The following JAKMIP2 variants were observed in gnomAD, a reference collection of about 807,000 sequenced individuals.
The protein encoded by JAKMIP2 is janus kinase and microtubule interacting protein 2.
JAKMIP2 carries 25 observed loss-of-function variants against 115.0 expected under a neutral mutation model. That is an observed-to-expected ratio of 0.22 (90% CI 0.16 to 0.30). The LOEUF is 0.30. JAKMIP2 is among the 10% of genes least tolerant of loss of function. The pLI is 1.00. For missense variants in JAKMIP2, 642 were observed against 957.6 expected, an observed-to-expected ratio of 0.67 and a Z score of 4.35; for synonymous variants, 334 against 343.6, an observed-to-expected ratio of 0.97 and a Z score of 0.31.
rs941740154 is a variant in JAKMIP2, at chr5:147,591,391, C to T, written c.*316G>A. 2.5e-6 allele frequency: 1 copy of T among 394,144 alleles called. No homozygotes were observed. The highest frequency in any genetic ancestry group is 2.1e-5 in the African/African-American group (1 of 46,864). 24.4% of individuals were successfully genotyped at this position (394,144 alleles called of 1,614,324 possible). ...CACATCTTTGCTTGATCTGCAGAAA[C>T]TAGTTCCATTGCTGAACTTTTTCTT... On this transcript the variant is annotated 3_prime_UTR_variant, in exon 22 of 22. Coordinates refer to ENST00000616793, the MANE Select transcript of JAKMIP2 (RefSeq NM_001270941.2).
chr5:147,700,197 A>G (rs1401138444), intron 1 of JAKMIP2, among the ~76,000 whole-genome samples: 1 of 152,214 alleles, frequency 6.6e-6, no homozygotes, highest in Non-Finnish European at 1.5e-5. Context: ...TTAGTCATAG[A>G]GTACAAACTA....
At chr5:147,597,186 C>G (rs539704469) in intron 21 of JAKMIP2, among the ~76,000 whole-genome samples, 1 of 151,988 alleles carries the variant, frequency 6.6e-6, no homozygotes, top group Non-Finnish European at 1.5e-5. Flanking sequence ...CCTGGCCGAT[C>G]GTACTAATAC....
chr5:147,639,343 T>C (rs1757773129), intron 10 of JAKMIP2, among the ~76,000 whole-genome samples: 1 of 152,164 alleles, frequency 6.6e-6, no homozygotes, highest in Non-Finnish European at 1.5e-5. Context: ...AACTAAAAAA[T>C]GGCTTAACAA....
intron 1 of JAKMIP2, among the ~76,000 whole-genome samples, chr5:147,714,248 T>G (rs1752883474): frequency 6.6e-6 from 1 of 152,138 alleles, no homozygotes; most frequent in African/African-American, 2.4e-5. Flanking sequence ...ATGAAAAATT[T>G]GAAAGGCAAC....
intron 1 of JAKMIP2, among the ~76,000 whole-genome samples, chr5:147,714,355 A>G (rs1217176627): frequency 6.6e-6 from 1 of 152,210 alleles, no homozygotes; most frequent in East Asian, 1.9e-4. Context: ...TTAAGAAATC[A>G]ATTGATGAGT....
intron 1 of JAKMIP2, among the ~76,000 whole-genome samples, chr5:147,764,920 A>AAGAAAGAAAGAGAGAGAG (rs1554086034): frequency 2.5e-5 from 1 of 39,464 alleles, no homozygotes; most frequent in African/African-American, 1.4e-4. Context: ...GAAAGAAAGA[A>AAGAAAGAAAGAGAGAGAG]AGAGAGAGAG....
chr5:147,591,033 A>G lies in JAKMIP2; in HGVS notation c.*674T>C, dbSNP rs1405739887. On this transcript the variant is annotated 3_prime_UTR_variant, in exon 22 of 22. Coordinates refer to ENST00000616793, the MANE Select transcript of JAKMIP2 (RefSeq NM_001270941.2). ...ATTCCACAAGCTCCACCTTTTGCAG[A>G]AAAACAAAACAGAGAGTGTTTTTCT... 6.5e-6 allele frequency: 1 copy of G among 152,674 alleles called. No homozygotes were observed. The highest frequency in any genetic ancestry group is 2.4e-5 in the African/African-American group (1 of 41,440). 9.5% of individuals were successfully genotyped at this position (152,674 alleles called of 1,614,324 possible).
At chr5:147,655,974 G>A (rs1758654370) in intron 3 of JAKMIP2, among the ~76,000 whole-genome samples, 1 of 152,144 alleles carries the variant, frequency 6.6e-6, no homozygotes, top group Non-Finnish European at 1.5e-5. Context: ...TCAGGAGCAG[G>A]TTGTTTGATT....
rs1235973173 is a variant in JAKMIP2, at chr5:147,623,623, T to A, written c.2062A>T (p.Met688Leu). The A allele has an allele frequency of 1.3e-6, 2 of 1,595,620 alleles. No homozygotes were observed. Among genetic ancestry groups the A allele is most frequent in the East Asian group, 2.2e-5 (1 of 44,770 alleles). The change falls in exon 17 of 22, where the codon ATG (methionine) becomes TTG (leucine). Residue 688 changes from methionine to leucine, a missense_variant and splice_region_variant. Physicochemically the swap from Met to Leu is conservative, Grantham distance 15. Coordinates refer to ENST00000616793, the MANE Select transcript of JAKMIP2 (RefSeq NM_001270941.2). Reference protein sequence around the residue: ...HQKMMELESDMEQFCKIKGYL... With the variant: ...HQKMMELESDLEQFCKIKGYL... ...ACAATATCTCATCTTGTACTTACCA[T>A]GTCACTTTCCAATTCCATCATTTTC...
chr5:147,708,639 C>T (rs1263213547), intron 1 of JAKMIP2, among the ~76,000 whole-genome samples: 1 of 152,210 alleles, frequency 6.6e-6, no homozygotes, highest in Non-Finnish European at 1.5e-5. Context: ...CCCCCTACCA[C>T]ATTTCAATGT....
rs576897843 is a variant in JAKMIP2, at chr5:147,602,580, A to T, written c.2413-769T>A. On this transcript the variant is annotated intron_variant, in intron 20 of 21. Transcript: ENST00000616793. The stretch of plus-strand genomic sequence containing the variant: ...AATGGAGTCTGATTTGTTTCTCTTC[A>T]CCAAATTTTTCACTTGAGAAACAGA... Among the ~76,000 whole-genome samples the T allele has an allele frequency of 8.1e-4, 123 of 152,236 alleles. 1 individual carries two copies. Among genetic ancestry groups the T allele is most frequent in the African/African-American group, 2.8e-3 (117 of 41,536 alleles).
intron 19 of JAKMIP2, among the ~76,000 whole-genome samples, chr5:147,617,406 A>T (rs1346695488): frequency 1.3e-5 from 2 of 152,232 alleles, no homozygotes; most frequent in African/African-American, 4.8e-5. Flanking sequence ...AAATGATGTA[A>T]GTAGAGTCCT....
chr5:147,739,342 C>T (rs1013354810), intron 1 of JAKMIP2, among the ~76,000 whole-genome samples: 3 of 152,162 alleles, frequency 2.0e-5, no homozygotes, highest in African/African-American at 4.8e-5. Context: ...ATTCCCCACA[C>T]ATTTATGCCA....
chr5:147,628,914 G>A, intron 15 of JAKMIP2, 98 bp from the exon 16 acceptor site: 1 of 768,324 alleles, frequency 1.3e-6, no homozygotes, highest in Non-Finnish European at 2.1e-6. Flanking sequence ...TTCTGTATAA[G>A]CCTGTATAGA....
intron 18 of JAKMIP2, among the ~76,000 whole-genome samples, chr5:147,618,993 T>G (rs935839584): frequency 2.0e-5 from 3 of 152,232 alleles, no homozygotes; most frequent in African/African-American, 7.2e-5. Context: ...TGGTCTGTTT[T>G]TAAGTTCTCT....
intron 1 of JAKMIP2, among the ~76,000 whole-genome samples, chr5:147,769,753 C>G (rs1755282238): frequency 6.9e-6 from 1 of 145,904 alleles, no homozygotes; most frequent in African/African-American, 2.5e-5. Context: ...TGGATCCTAT[C>G]CTCCTTGCCT....
intron 1 of JAKMIP2, among the ~76,000 whole-genome samples, chr5:147,706,514 C>T (rs1752566063): frequency 6.6e-6 from 1 of 152,122 alleles, no homozygotes; most frequent in African/African-American, 2.4e-5. Context: ...TTTTTATGGT[C>T]ATCTGGCTTA....
chr5:147,782,389 A>C, intron 1 of JAKMIP2, 67 bp downstream of exon 1: 7 of 1,488,684 alleles, frequency 4.7e-6, no homozygotes, highest in Non-Finnish European at 6.3e-6. Context: ...TTCAGGCCAG[A>C]AATGTATACA....
intron 2 of JAKMIP2, among the ~76,000 whole-genome samples, chr5:147,662,547 G>A (rs369008233): frequency 8.5e-5 from 13 of 152,104 alleles, no homozygotes; most frequent in South Asian, 2.1e-4. Context: ...TTTGTGTCTC[G>A]AAAAAGCCTC....
Sources: allele counts gnomAD v4.1 joint callset (sites outside exome capture counted in the v4.1 genomes callset), GRCh38; gene constraint gnomAD v4.1.1; transcripts MANE v1.5; gene names NCBI Gene and HGNC (gene_info 2026-07-23, HGNC 2026-07-21).